The following THSD4 variants were observed in gnomAD, a reference collection of about 807,000 sequenced individuals.
THSD4 encodes the protein thrombospondin type-1 domain-containing protein 4.
THSD4 carries 69 observed loss-of-function variants against 119.0 expected under a neutral mutation model. The observed-to-expected ratio is 0.58, with a 90% confidence interval of 0.48 to 0.71. The LOEUF is 0.71. Among genes scored for constraint, THSD4 ranks in the 30% least tolerant of loss-of-function variants. The pLI is 0.00. For missense variants in THSD4, 1,393 were observed against 1,391.1 expected (o/e 1.00, Z -0.02); for synonymous variants, 524 against 540.4 (o/e 0.97, Z 0.42).
chr15:71,162,353 G>A (rs147216565), intron 3 of THSD4, among the ~76,000 whole-genome samples: 9 of 152,084 alleles, frequency 5.9e-5, no homozygotes, highest in Non-Finnish European at 1.0e-4. Flanking sequence ...GTCTGGGAAG[G>A]TCTTTATTTC....
intron 6 of THSD4, among the ~76,000 whole-genome samples, chr15:71,315,299 T>C (rs1043305559): frequency 6.6e-6 from 1 of 152,254 alleles, no homozygotes; most frequent in African/African-American, 2.4e-5. Flanking sequence ...CCAGTCTGTA[T>C]CCTTCTTGCC....
intron 1 of THSD4, among the ~76,000 whole-genome samples, chr15:71,102,874 T>G (rs932995981): frequency 1.3e-5 from 2 of 152,214 alleles, no homozygotes; most frequent in Non-Finnish European, 2.9e-5. Context: ...CCTGTTTTTA[T>G]ATCTTCTTTT....
At chr15:71,265,837 G>A (rs553266550) in intron 6 of THSD4, among the ~76,000 whole-genome samples, 13 of 152,246 alleles carry the variant, frequency 8.5e-5, no homozygotes, top group African/African-American at 2.6e-4. Context: ...AAACAAAGCC[G>A]CCAGGAAGTT....
At chr15:71,584,037 A>G (rs1230235299) in intron 7 of THSD4, among the ~76,000 whole-genome samples, 1 of 151,900 alleles carries the variant, frequency 6.6e-6, no homozygotes. Flanking sequence ...AATGCTGTCT[A>G]TTTTTACCTT....
chr15:71,739,109 A>C (rs56255624), intron 11 of THSD4, among the ~76,000 whole-genome samples: 4 of 150,274 alleles, frequency 2.7e-5, no homozygotes, highest in Non-Finnish European at 4.5e-5. Context: ...AAAAAAAAAA[A>C]AAAAACAAAA....
At chr15:71,115,059 A>G (rs1200218855), upstream of THSD4, 1 of 152,504 alleles carries the variant, frequency 6.6e-6, no homozygotes, top group Non-Finnish European at 1.5e-5. The surrounding 1 kb of genome is among the most constrained non-coding windows in gnomAD (Gnocchi z 4.4). Context: ...TGCTGCCGGA[A>G]TGGCTGTTCC....
intron 3 of THSD4, among the ~76,000 whole-genome samples, chr15:71,158,370 C>G (rs1283070538): frequency 6.6e-6 from 1 of 151,970 alleles, no homozygotes; most frequent in Non-Finnish European, 1.5e-5. Context: ...TCAGGCTGGT[C>G]TTGAACTCCC....
At chr15:71,116,795 C>T (rs1390096727) in intron 1 of THSD4, among the ~76,000 whole-genome samples, 1 of 151,956 alleles carries the variant, frequency 6.6e-6, no homozygotes, top group African/African-American at 2.4e-5. Context: ...TTTTAAAATC[C>T]GCGTGTCTTC....
rs1286882338 is a variant in THSD4, at chr15:71,379,047, G to A, written c.1016-32640G>A. ...AATCCTCCTCTGTTGGCCTCCCAAAGCGCTGGGATTATAGGCATGAGCCAC... is the reference window on the plus strand; with the variant it reads ...AATCCTCCTCTGTTGGCCTCCCAAAACGCTGGGATTATAGGCATGAGCCAC... On this transcript the variant is annotated intron_variant, in intron 6 of 17. Transcript: ENST00000261862. Among the ~76,000 whole-genome samples the A allele has an allele frequency of 2.0e-5, 3 of 152,330 alleles. No homozygotes were observed. The East Asian group carries it at 5.8e-4, about 29-fold the overall frequency.
At chr15:71,518,036 C>T (rs553387281) in intron 7 of THSD4, among the ~76,000 whole-genome samples, 1 of 152,240 alleles carries the variant, frequency 6.6e-6, no homozygotes, top group East Asian at 1.9e-4. Context: ...TTTAATTATC[C>T]AGAGATTCCA....
intron 7 of THSD4, among the ~76,000 whole-genome samples, chr15:71,533,905 A>G (rs1157981785): frequency 2.0e-5 from 3 of 152,120 alleles, no homozygotes; most frequent in Non-Finnish European, 4.4e-5. Flanking sequence ...AATAACCCCA[A>G]TATCATTAGG....
intron 7 of THSD4, among the ~76,000 whole-genome samples, chr15:71,488,555 A>G (rs544324542): frequency 5.9e-4 from 90 of 152,306 alleles, no homozygotes; most frequent in African/African-American, 2.1e-3. Flanking sequence ...GAGGCTCTTT[A>G]GCAACTTTCT....
chr15:71,505,846 GA>G (rs1377372020), intron 7 of THSD4, among the ~76,000 whole-genome samples: 6 of 152,230 alleles, frequency 3.9e-5, no homozygotes, highest in African/African-American at 1.4e-4. Context: ...AAGAATACTA[GA>G]AAGTGGGCTG....
chr15:71,331,434 C>T (rs2045419666), intron 6 of THSD4, among the ~76,000 whole-genome samples: 1 of 152,190 alleles, frequency 6.6e-6, no homozygotes, highest in Non-Finnish European at 1.5e-5. Context: ...TCAGCTGGCT[C>T]CAGCCCAGAA....
chr15:71,242,760 G>A lies in THSD4; in HGVS notation c.576G>A (p.Gln192=), dbSNP rs867614318. 3 of 1,614,174 alleles carry A rather than the reference G, an allele frequency of 1.9e-6. No homozygotes were observed. Among genetic ancestry groups the A allele is most frequent in the East Asian group, 2.2e-5 (1 of 44,878 alleles). The change falls in exon 5 of 18, where the codon CAG becomes CAA. Residue 192 remains glutamine, a synonymous_variant. Transcript: ENST00000261862. ...TAHTPQRLRR[Q]KLSSRHSRSQ... is the part of the protein sequence containing the mutation. ...ACACGCCACAGAGGCTCCGGAGACAGAAGCTCTCATCCCGCCATTCCAGGT... is the reference window on the plus strand; with the variant it reads ...ACACGCCACAGAGGCTCCGGAGACAAAAGCTCTCATCCCGCCATTCCAGGT...
At chr15:71,448,697 C>T (rs1316777144) in intron 7 of THSD4, among the ~76,000 whole-genome samples, 2 of 152,102 alleles carry the variant, frequency 1.3e-5, no homozygotes, top group Non-Finnish European at 2.9e-5. Context: ...TTAATGCAGT[C>T]CTTCCTGCTT....
chr15:71,635,338 G>C (rs1162707694), intron 7 of THSD4, among the ~76,000 whole-genome samples: 1 of 149,838 alleles, frequency 6.7e-6, no homozygotes, highest in Non-Finnish European at 1.5e-5. Flanking sequence ...AACAATCTCT[G>C]CCAAGCAGGA....
chr15:71,273,212 A>C (rs577131723), intron 6 of THSD4, among the ~76,000 whole-genome samples: 2 of 152,352 alleles, frequency 1.3e-5, no homozygotes, highest in African/African-American at 4.8e-5. Flanking sequence ...ATTCAGCCTG[A>C]AAGAAGAATG....
chr15:71,404,880 TTTC>T (rs1566971261), intron 6 of THSD4, among the ~76,000 whole-genome samples: 10 of 122,516 alleles, frequency 8.2e-5, no homozygotes, highest in Admixed American at 2.1e-4. Flanking sequence ...CTTTCTTTTC[TTTC>T]TTTCTTTTCT....
Sources: allele counts gnomAD v4.1 joint callset (sites outside exome capture counted in the v4.1 genomes callset), GRCh38; gene constraint gnomAD v4.1.1; non-coding constraint Gnocchi (gnomAD v3.1); transcripts MANE v1.5; gene names NCBI Gene and HGNC (gene_info 2026-07-23, HGNC 2026-07-21).